The following IGSF10 variants were observed in gnomAD, a reference collection of about 807,000 sequenced individuals.
IGSF10 encodes immunoglobulin superfamily member 10.
A neutral mutation model predicts 128.2 loss-of-function variants in IGSF10; 126 were observed. The ratio of observed to expected loss-of-function variants is 0.98; its 90% CI spans 0.85 to 1.14. The LOEUF (loss-of-function observed/expected upper bound fraction) is 1.14. Among genes scored for constraint, IGSF10 ranks in the 50% most tolerant of loss-of-function variants. IGSF10 has a pLI of 0.00. For missense variants in IGSF10, 3,295 were observed against 3,149.8 expected (o/e 1.05, Z -1.10); for synonymous variants, 1,185 against 1,146.2 (o/e 1.03, Z -0.68).
the IGSF10 span, among the ~76,000 whole-genome samples, chr3:151,489,909 G>A: frequency 2.6e-5 from 4 of 151,596 alleles, no homozygotes; most frequent in South Asian, 2.1e-4. Context: ...ACCATGGCAC[G>A]TCTATACCTA....
At chr3:151,436,139 A>AT (rs1720157994), downstream of IGSF10, 1 of 152,302 alleles carries the variant, frequency 6.6e-6, no homozygotes, top group Non-Finnish European at 1.5e-5. Context: ...ACATTTTTGT[A>AT]TTCCCCATCA....
At chr3:151,488,913 G>A in the IGSF10 span, among the ~76,000 whole-genome samples, 8 of 152,166 alleles carry the variant, frequency 5.3e-5, no homozygotes, top group Non-Finnish European at 2.9e-5. Context: ...CATAGGCATG[G>A]ACAAAGACTT....
At chr3:151,519,248 T>A in the IGSF10 span, among the ~76,000 whole-genome samples, 1 of 151,962 alleles carries the variant, frequency 6.6e-6, no homozygotes, top group East Asian at 1.9e-4. Context: ...AGGTCTTCCA[T>A]ACATTCAGCC....
At chr3:151,574,554 G>A in the IGSF10 span, among the ~76,000 whole-genome samples, 1 of 152,134 alleles carries the variant, frequency 6.6e-6, no homozygotes, top group African/African-American at 2.4e-5. Context: ...TCATGCCATG[G>A]TTTTCAGCTC....
the IGSF10 span, among the ~76,000 whole-genome samples, chr3:151,616,598 A>C: frequency 6.6e-6 from 1 of 152,216 alleles, no homozygotes; most frequent in East Asian, 1.9e-4. Context: ...AAAGACTAAT[A>C]TATTTGGGCA....
At chr3:151,435,898 A>G (rs1048833103), downstream of IGSF10, 15 of 152,212 alleles carry the variant, frequency 9.9e-5, no homozygotes, top group African/African-American at 3.6e-4. Flanking sequence ...AAATGCTTAT[A>G]GAGCAACGAT....
chr3:151,540,345 A>G, the IGSF10 span, among the ~76,000 whole-genome samples: 1 of 152,174 alleles, frequency 6.6e-6, no homozygotes, highest in East Asian at 1.9e-4. Context: ...AAGATAATAC[A>G]TTAATTTTGC....
chr3:151,544,202 C>G, the IGSF10 span, among the ~76,000 whole-genome samples: 1 of 152,238 alleles, frequency 6.6e-6, no homozygotes. Context: ...AGCCACCACA[C>G]CTGGCCTGTC....
At chr3:151,527,253 C>G in the IGSF10 span, among the ~76,000 whole-genome samples, 41 of 152,140 alleles carry the variant, frequency 2.7e-4, no homozygotes, top group African/African-American at 8.9e-4. Context: ...AGGCCCATAC[C>G]ACACCAGCGG....
the IGSF10 span, among the ~76,000 whole-genome samples, chr3:151,598,869 T>A: frequency 6.6e-6 from 1 of 152,200 alleles, no homozygotes; most frequent in Non-Finnish European, 1.5e-5. Flanking sequence ...AGCTGCCATT[T>A]AATTGAAAAA....
chr3:151,586,988 T>C, the IGSF10 span, among the ~76,000 whole-genome samples: 1 of 152,200 alleles, frequency 6.6e-6, no homozygotes, highest in Non-Finnish European at 1.5e-5. Context: ...TGAGGCATTT[T>C]GTAATTTAAA....
chr3:151,461,265 C>T, upstream of IGSF10: 1 of 985,380 alleles, frequency 1.0e-6, no homozygotes. Flanking sequence ...GGTGGCAGAG[C>T]AGTTTCAGTG....
At chr3:151,563,817 G>A in the IGSF10 span, among the ~76,000 whole-genome samples, 2 of 152,286 alleles carry the variant, frequency 1.3e-5, no homozygotes, top group African/African-American at 4.8e-5. Context: ...CTTACTATAT[G>A]CTAGGCACTG....
the IGSF10 span, among the ~76,000 whole-genome samples, chr3:151,596,505 AT>A: frequency 1.3e-5 from 2 of 151,920 alleles, no homozygotes; most frequent in East Asian, 3.9e-4. Flanking sequence ...TGTATTGTGT[AT>A]GTGTTTTCTA....
chr3:151,489,811 G>A, the IGSF10 span, among the ~76,000 whole-genome samples: 1 of 152,022 alleles, frequency 6.6e-6, no homozygotes, highest in Admixed American at 6.6e-5. Context: ...TCACATACTG[G>A]GGTCTGTTGG....
At chr3:151,531,004 C>A in the IGSF10 span, among the ~76,000 whole-genome samples, 9 of 152,104 alleles carry the variant, frequency 5.9e-5, no homozygotes, top group Admixed American at 2.6e-4. Flanking sequence ...ATTTACCAAG[C>A]AAATGGGAAG....
At chr3:151,481,661 T>G in the IGSF10 span, among the ~76,000 whole-genome samples, 1 of 152,120 alleles carries the variant, frequency 6.6e-6, no homozygotes, top group Non-Finnish European at 1.5e-5. Flanking sequence ...GCTGCAATAG[T>G]TTTGTAAGAC....
the IGSF10 span, among the ~76,000 whole-genome samples, chr3:151,517,350 A>T: frequency 6.6e-6 from 1 of 151,942 alleles, no homozygotes; most frequent in African/African-American, 2.4e-5. Context: ...TCATTCTTTG[A>T]TCTATTTGAT....
chr3:151,474,522 T>C, the IGSF10 span, among the ~76,000 whole-genome samples: 22 of 152,222 alleles, frequency 1.4e-4, no homozygotes, highest in Non-Finnish European at 2.5e-4. Context: ...CCTCTTTAAA[T>C]TAGGCTACTT....
Sources: gnomAD v4.1 joint callset for allele counts (sites outside exome capture counted in the v4.1 genomes callset) on GRCh38, gnomAD v4.1.1 for gene constraint, MANE v1.5 for transcripts, NCBI Gene and HGNC (gene_info 2026-07-23, HGNC 2026-07-21) for gene names.